Variants in PTPRJ observed in about 807,000 individuals in gnomAD.
PTPRJ encodes the protein protein tyrosine phosphatase receptor type J.
PTPRJ carries 129 observed loss-of-function variants against 141.3 expected under a neutral mutation model. That is an observed-to-expected ratio of 0.91 (90% CI 0.79 to 1.06). The LOEUF is 1.06. PTPRJ is among the 50% of genes least tolerant of loss of function. The pLI, the probability that PTPRJ is intolerant of heterozygous loss-of-function variation, is 0.00. For missense variants in PTPRJ, 1,601 were observed against 1,679.7 expected, an observed-to-expected ratio of 0.95 and a Z score of 0.82; for synonymous variants, 610 against 640.5, an observed-to-expected ratio of 0.95 and a Z score of 0.72.
intron 1 of PTPRJ, among the ~76,000 whole-genome samples, chr11:48,093,162 C>G (rs922293151): frequency 2.0e-5 from 3 of 152,138 alleles, no homozygotes; most frequent in Non-Finnish European, 4.4e-5. Context: ...CCTCAGTGAT[C>G]ATGTATGTGA....
intron 1 of PTPRJ, among the ~76,000 whole-genome samples, chr11:48,081,961 C>T (rs935031168): frequency 6.6e-6 from 1 of 152,048 alleles, no homozygotes; most frequent in Non-Finnish European, 1.5e-5. Flanking sequence ...TGATGGTGGC[C>T]CACTAGAACA....
intron 1 of PTPRJ, among the ~76,000 whole-genome samples, chr11:48,024,915 G>A (rs532519106): frequency 1.3e-5 from 2 of 152,332 alleles, no homozygotes; most frequent in Admixed American, 6.5e-5. Context: ...GAACAGTCGC[G>A]TTTACAGAGC....
chr11:48,140,956 G>C (rs1177389140), intron 11 of PTPRJ, among the ~76,000 whole-genome samples: 2 of 152,192 alleles, frequency 1.3e-5, no homozygotes, highest in African/African-American at 4.8e-5. Flanking sequence ...TGTGGCTAGA[G>C]GGCTGCTGTA....
Position 48,125,044 on chromosome 11 carries a change from G to T in PTPRJ, c.951G>T (p.Val317=). The T allele has an allele frequency of 6.2e-7, 1 of 1,614,122 alleles. No homozygotes were observed. Among genetic ancestry groups the T allele is most frequent in the Non-Finnish European group, 8.5e-7 (1 of 1,180,024 alleles). Residue 317 remains valine (V), a synonymous_variant, in exon 6 of 25, where the codon GTG becomes GTT. Coordinates refer to ENST00000418331, the MANE Select transcript of PTPRJ (RefSeq NM_002843.4). ...PVHDESLVGP[V]DPSSGQQSRD... ...ATGATGAGTCCCTCGTGGGACCTGT[G>T]GACCCATCCTCCGGCCAGCAGTCCC...
intron 1 of PTPRJ, among the ~76,000 whole-genome samples, chr11:48,028,515 G>A (rs189464683): frequency 1.3e-5 from 2 of 152,334 alleles, no homozygotes; most frequent in East Asian, 1.9e-4. Flanking sequence ...AAGCTGCTGG[G>A]CGTGGTGGCT....
At chr11:48,074,488 C>T (rs1855347263) in intron 1 of PTPRJ, among the ~76,000 whole-genome samples, 1 of 152,186 alleles carries the variant, frequency 6.6e-6, no homozygotes, top group East Asian at 1.9e-4. Flanking sequence ...TATAAACCAG[C>T]ATCATTTAGG....
chr11:48,002,559 C>A (rs1590395360), intron 1 of PTPRJ, among the ~76,000 whole-genome samples: 1 of 152,016 alleles, frequency 6.6e-6, no homozygotes, highest in African/African-American at 2.4e-5. Context: ...GTATAAAAAC[C>A]CCAAGAAAAC....
chr11:48,102,998 A>G (rs1856188045), intron 1 of PTPRJ, among the ~76,000 whole-genome samples: 1 of 152,202 alleles, frequency 6.6e-6, no homozygotes, highest in Non-Finnish European at 1.5e-5. Context: ...ACAAGTTGCT[A>G]GACCATTCTG....
chr11:48,089,011 T>C (rs1310287466), intron 1 of PTPRJ, among the ~76,000 whole-genome samples: 1 of 150,978 alleles, frequency 6.6e-6, no homozygotes, highest in Non-Finnish European at 1.5e-5. Flanking sequence ...CTAATTTCGG[T>C]GCTACTCCCA....
chr11:47,990,293 CA>C (rs538249550), intron 1 of PTPRJ, among the ~76,000 whole-genome samples: 2 of 151,590 alleles, frequency 1.3e-5, no homozygotes, highest in Non-Finnish European at 2.9e-5. Flanking sequence ...TTTAAAGTGA[CA>C]AAAAAAGGTG....
intron 1 of PTPRJ, among the ~76,000 whole-genome samples, chr11:48,107,695 G>T (rs749884307): frequency 2.6e-5 from 4 of 152,218 alleles, no homozygotes; most frequent in Non-Finnish European, 4.4e-5. Flanking sequence ...TCTGGTTCTT[G>T]TGCCTCCTCT....
chr11:48,049,589 T>C (rs1334941692), intron 1 of PTPRJ, among the ~76,000 whole-genome samples: 1 of 148,266 alleles, frequency 6.7e-6, no homozygotes, highest in Non-Finnish European at 1.5e-5. Flanking sequence ...TGGCGCACTT[T>C]TGTAATTCCA....
At chr11:48,053,287 AAAAATATAT>A (rs1340051344) in intron 1 of PTPRJ, among the ~76,000 whole-genome samples, 3 of 91,118 alleles carry the variant, frequency 3.3e-5, no homozygotes, top group African/African-American at 4.5e-5. Flanking sequence ...ATAAATATAT[AAAAATATAT>A]AAAATATATA....
At chr11:48,136,435 G>T (rs75715267) in intron 9 of PTPRJ, 139 bp downstream of exon 9, 2 of 1,054,042 alleles carry the variant, frequency 1.9e-6, no homozygotes, top group Non-Finnish European at 2.8e-6. Flanking sequence ...ATTGGTCTCA[G>T]CAATGGTTCT....
At chr11:48,029,897 T>A (rs2134223251) in intron 1 of PTPRJ, among the ~76,000 whole-genome samples, 1 of 152,304 alleles carries the variant, frequency 6.6e-6, no homozygotes, top group South Asian at 2.1e-4. Flanking sequence ...CCCACTCCCT[T>A]CCATGTAGGA....
intron 1 of PTPRJ, among the ~76,000 whole-genome samples, chr11:48,051,084 CTTTTTTTTT>C (rs59987198): frequency 1.8e-4 from 14 of 79,312 alleles, no homozygotes; most frequent in East Asian, 3.7e-4. Flanking sequence ...TAACTGATGA[CTTTTTTTTT>C]TTTTTTTTTT....
intron 1 of PTPRJ, among the ~76,000 whole-genome samples, chr11:48,058,085 T>C (rs1471097462): frequency 6.6e-6 from 1 of 152,124 alleles, no homozygotes; most frequent in Non-Finnish European, 1.5e-5. Context: ...CTAATTTTTG[T>C]ATTTTTAGTA....
At position 47,980,996 on chromosome 11, in the gene PTPRJ, G is replaced by A. The variant is rs1369244722; in HGVS notation, c.84G>A (p.Leu28=). 6.0e-5 allele frequency: 73 copies of A among 1,213,610 alleles called. No individual in the cohort carries two copies. Among genetic ancestry groups the A allele is most frequent in the Non-Finnish European group, 7.3e-5 (71 of 976,564 alleles). 75.2% of individuals were successfully genotyped at this position (1,213,610 alleles called of 1,614,324 possible). ...RWALPLLLLL[L]RLGQILCAGG... is the part of the protein sequence containing the mutation. ...CGCTGCCGCTGCTGCTGCTGCTGCT[G>A]CGCCTGGGCCAGGTAAGCGCCGGGT... is the stretch of plus-strand genomic sequence containing the variant. Residue 28 remains leucine (L), a synonymous_variant, in exon 1 of 25, where the codon CTG becomes CTA. Coordinates refer to ENST00000418331, the MANE Select transcript of PTPRJ (RefSeq NM_002843.4).
Position 48,136,243 on chromosome 11 carries a change from C to T in PTPRJ, c.1820C>T (p.Ser607Phe). Residue 607 changes from serine to phenylalanine, a missense_variant, in exon 9 of 25, where the codon TCT becomes TTT. Coordinates refer to ENST00000418331, the MANE Select transcript of PTPRJ (RefSeq NM_002843.4). ...IPGTLYNITI[S>F]PEVDHVWGDP... is the part of the protein sequence containing the mutation. ...GGCACCTTATATAACATCACCATCT[C>T]TCCAGAAGTGGACCACGTCTGGGGG... 6.2e-7 allele frequency: 1 copy of T among 1,614,254 alleles called. No homozygotes were observed. Among genetic ancestry groups the T allele is most frequent in the African/African-American group, 1.3e-5 (1 of 75,062 alleles).
Sources: allele counts gnomAD v4.1 joint callset (sites outside exome capture counted in the v4.1 genomes callset), GRCh38; gene constraint gnomAD v4.1.1; transcripts MANE v1.5; gene names NCBI Gene and HGNC (gene_info 2026-07-23, HGNC 2026-07-21).